BICRA: variants seen among roughly 807,000 people sequenced by gnomAD.
BICRA encodes BRD4-interacting chromatin-remodeling complex-associated protein.
BICRA carries 31 observed loss-of-function variants against 96.9 expected under a neutral mutation model. The observed-to-expected ratio is 0.32, with a 90% CI of 0.24 to 0.43. The LOEUF (loss-of-function observed/expected upper bound fraction) is 0.43, where lower values mean the gene tolerates loss of function less well. Ranked by LOEUF, BICRA falls within the 20% of genes least tolerant of loss-of-function variation. The probability of loss-of-function intolerance (pLI) is 1.00; values close to 1 mark genes in which losing one functional copy is unlikely to be tolerated. For synonymous variants in BICRA, 1,350 were observed against 1,071.8 expected (o/e 1.26, Z -5.07); for missense variants, 2,283 against 2,190.3 (o/e 1.04, Z -0.84).
chr19:47,668,241 A>T (rs1239802707), intron 1 of BICRA, among the ~76,000 whole-genome samples: 1 of 152,060 alleles, frequency 6.6e-6, no homozygotes, highest in African/African-American at 2.4e-5. Context: ...GTGGTTTATC[A>T]TTGTCATAGT....
At position 47,694,714 on chromosome 19, in the gene BICRA, G is replaced by T; in HGVS notation, c.2883G>T (p.Glu961Asp). ...PALPQPKALL[E>D]RFHQVPSGII... Reference sequence around the variant, plus strand: ...TGCCCCAGCCGAAGGCTCTTCTCGAGAGATTTCACCAGGTAACGGGAGGCA... The same window carrying T: ...TGCCCCAGCCGAAGGCTCTTCTCGATAGATTTCACCAGGTAACGGGAGGCA... The change falls in exon 8 of 15, where the codon GAG becomes GAT. Residue 961 changes from glutamate to aspartate, a missense_variant. Coordinates refer to ENST00000594866, the MANE Select transcript of BICRA (RefSeq NM_001394372.1). 1 of 1,537,540 alleles carries T rather than the reference G, an allele frequency of 6.5e-7. No homozygotes were observed.
At chr19:47,617,304 T>A (rs1971999945) in intron 1 of BICRA, among the ~76,000 whole-genome samples, 1 of 151,946 alleles carries the variant, frequency 6.6e-6, no homozygotes, top group African/African-American at 2.4e-5. Flanking sequence ...TTGTTTTCTT[T>A]TTTCTTTTTT....
intron 1 of BICRA, among the ~76,000 whole-genome samples, chr19:47,667,002 T>C (rs1320570868): frequency 6.6e-6 from 1 of 151,706 alleles, no homozygotes; most frequent in East Asian, 1.9e-4. Context: ...CCCCAGGAAG[T>C]TCCCGTTCAT....
chr19:47,665,645 T>G lies in BICRA; in HGVS notation c.-107-4798T>G, dbSNP rs535613558. On this transcript the variant is annotated intron_variant, in intron 1 of 14. Coordinates refer to ENST00000594866, the MANE Select transcript of BICRA (RefSeq NM_001394372.1). ...ACACCATGTCTGGCTGGTTGTTTTG[T>G]TTTTTTTTAATCTTCATGTGTGTCT... Among the ~76,000 whole-genome samples the G allele has an allele frequency of 1.9e-4, 29 of 151,604 alleles. No homozygotes were observed. In the East Asian group the frequency reaches 5.4e-3, roughly 28 times the overall value.
Position 47,655,048 on chromosome 19 carries a change from TC to T in BICRA, c.-107-15394del, listed in dbSNP as rs201980200. ...TCAATAACGCACAATGCTTTTCCCA[TC>T]ATTTATGGACACTCACAGAATAGCA... On this transcript the variant is annotated intron_variant, in intron 1 of 14. Transcript: ENST00000594866. Among the ~76,000 whole-genome samples, 9 of 152,216 alleles carry T rather than the reference TC, an allele frequency of 5.9e-5. No individual in the cohort carries two copies. The East Asian group carries it at 1.7e-3, about 29-fold the overall frequency.
intron 1 of BICRA, among the ~76,000 whole-genome samples, chr19:47,630,192 A>C: frequency 8.6e-6 from 1 of 115,934 alleles, no homozygotes; most frequent in East Asian, 2.5e-4. Context: ...ATGGAGTCTC[A>C]CTCTGTCGCC....
intron 9 of BICRA, 23 bp downstream of exon 9, chr19:47,695,103 G>C (rs887419865): frequency 2.0e-5 from 30 of 1,464,064 alleles, no homozygotes; most frequent in Middle Eastern, 4.8e-4. Context: ...TCGCCTATGT[G>C]CCCAGGGAGA....
chr19:47,666,288 CTTT>C (rs1324482540), intron 1 of BICRA, among the ~76,000 whole-genome samples: 8 of 89,192 alleles, frequency 9.0e-5, no homozygotes, highest in East Asian at 3.9e-4. Context: ...TTTTCTTTTT[CTTT>C]TTCTTCTTTT....
chr19:47,613,771 T>C (rs2913995), intron 1 of BICRA, among the ~76,000 whole-genome samples: 110,351 of 151,906 alleles, frequency 0.73, 40,197 homozygotes, highest in Middle Eastern at 0.82. Flanking sequence ...CATTCTCCTC[T>C]GCCTGGAGTA....
chr19:47,695,749 G>C (rs1973331040), intron 10 of BICRA, among the ~76,000 whole-genome samples: 1 of 152,140 alleles, frequency 6.6e-6, no homozygotes, highest in South Asian at 2.1e-4. Flanking sequence ...ACTGGGGAAA[G>C]AGCAGGTGAT....
At chr19:47,625,990 G>A (rs1395144531) in intron 1 of BICRA, among the ~76,000 whole-genome samples, 2 of 152,042 alleles carry the variant, frequency 1.3e-5, no homozygotes, top group Non-Finnish European at 2.9e-5. Context: ...GGGGTAAGAG[G>A]GAGCTCCAGT....
chr19:47,681,343 G>GGC, intron 6 of BICRA, 67 bp downstream of exon 6: 1 of 1,404,928 alleles, frequency 7.1e-7, no homozygotes, highest in South Asian at 1.2e-5. Context: ...GGGGTCCTGG[G>GGC]GCGAGGCGCC....
At chr19:47,646,792 T>C (rs1027145308) in intron 1 of BICRA, among the ~76,000 whole-genome samples, 8 of 152,196 alleles carry the variant, frequency 5.3e-5, no homozygotes, top group African/African-American at 1.9e-4. Flanking sequence ...TTAACAGCTT[T>C]ATTGAGATAT....
At chr19:47,623,639 C>T (rs1392427806) in intron 1 of BICRA, among the ~76,000 whole-genome samples, 2 of 152,188 alleles carry the variant, frequency 1.3e-5, no homozygotes, top group African/African-American at 4.8e-5. Flanking sequence ...ACCCATTCCC[C>T]TGCAAAGCCA....
intron 1 of BICRA, among the ~76,000 whole-genome samples, chr19:47,644,010 A>C (rs1405849222): frequency 6.6e-6 from 1 of 151,986 alleles, no homozygotes; most frequent in Non-Finnish European, 1.5e-5. Flanking sequence ...TACATTCACC[A>C]ACCTTTTATT....
At position 47,617,047 on chromosome 19, in the gene BICRA, C is replaced by T. The variant is rs534250502; in HGVS notation, c.-108+7879C>T. Among the ~76,000 whole-genome samples the T allele has an allele frequency of 6.0e-5, 9 of 151,132 alleles. No individual in the cohort carries two copies. The South Asian group carries it at 1.3e-3, about 21-fold the overall frequency. ...TTGGCCATGTTGGCCAGGCTAGTCT[C>T]GAACTCCTGGACTCAAGCAATCCAC... On this transcript the variant is annotated intron_variant, in intron 1 of 14. Coordinates refer to ENST00000594866, the MANE Select transcript of BICRA (RefSeq NM_001394372.1).
chr19:47,694,618 C>G lies in BICRA; in HGVS notation c.2787C>G (p.Val929=), dbSNP rs747935453. 1.0e-5 allele frequency: 16 copies of G among 1,564,084 alleles called. No homozygotes were observed. The highest frequency in any genetic ancestry group is 1.3e-5 in the Non-Finnish European group (15 of 1,137,006). The change falls in exon 8 of 15, where the codon GTC becomes GTG. Residue 929 remains valine, a synonymous_variant. Coordinates refer to ENST00000594866, the MANE Select transcript of BICRA (RefSeq NM_001394372.1). ...CTCCCCCTCCAACCCTCCACCTGGT[C>G]CCTGAGCCGGCAGCACCCCCCCCAC... The part of the protein sequence containing the change: ...SPTPPPTLHL[V]PEPAAPPPPP...
intron 1 of BICRA, among the ~76,000 whole-genome samples, chr19:47,616,212 G>A (rs1971982127): frequency 6.6e-6 from 1 of 152,218 alleles, no homozygotes; most frequent in African/African-American, 2.4e-5. Flanking sequence ...GGTATAGCAA[G>A]CGCCCAAAAA....
At chr19:47,640,291 G>A (rs536767879) in intron 1 of BICRA, among the ~76,000 whole-genome samples, 2 of 152,296 alleles carry the variant, frequency 1.3e-5, no homozygotes, top group African/African-American at 2.4e-5. Context: ...CAGCACATTG[G>A]GAGGCTGAGG....
Sources: allele counts gnomAD v4.1 joint callset (sites outside exome capture counted in the v4.1 genomes callset), GRCh38; gene constraint gnomAD v4.1.1; transcripts MANE v1.5; gene names NCBI Gene and HGNC (gene_info 2026-07-23, HGNC 2026-07-21).